The following RNF126 variants were observed in gnomAD, a reference collection of about 807,000 sequenced individuals.
The protein encoded by RNF126 is E3 ubiquitin-protein ligase RNF126.
A neutral mutation model predicts 41.9 loss-of-function variants in RNF126; 20 were observed. The observed-to-expected ratio is 0.48, with a 90% CI of 0.34 to 0.69. The LOEUF (loss-of-function observed/expected upper bound fraction) is 0.69. RNF126 is among the 30% of genes least tolerant of loss of function. The pLI is 0.01. For synonymous variants in RNF126, 239 were observed against 202.9 expected, an observed-to-expected ratio of 1.18 and a Z score of -1.51; for missense variants, 433 against 460.6, an observed-to-expected ratio of 0.94 and a Z score of 0.55.
chr19:647,975 G>C lies in RNF126; in HGVS notation c.*153C>G, dbSNP rs1230292099. On this transcript the variant is annotated 3_prime_UTR_variant, in exon 9 of 9. Transcript: ENST00000292363. ...CCTTCCCAAGCCAGGGGGCCGGTGG[G>C]CCGGGCCCGGGTCCTGCCCTGGAAC... is the stretch of plus-strand genomic sequence containing the variant. The C allele has an allele frequency of 2.2e-5, 21 of 968,734 alleles. No individual in the cohort carries two copies. In the South Asian group the frequency reaches 3.1e-4, roughly 14 times the overall value. 60.0% of individuals were successfully genotyped at this position (968,734 alleles called of 1,614,324 possible). A position where few individuals can be genotyped will look rare whatever the true frequency, so the allele number is the denominator to read the frequency against.
chr19:648,978 G>A lies in RNF126; in HGVS notation c.577-3C>T. The A allele has an allele frequency of 7.2e-7, 1 of 1,386,008 alleles. No individual in the cohort carries two copies. Among genetic ancestry groups the A allele is most frequent in the Non-Finnish European group, 9.4e-7 (1 of 1,065,682 alleles). The allele number at this position is 1,386,008 out of a possible 1,614,324, so 85.9% of individuals were successfully genotyped here. ...GTGTTTTCAAACTGATTGAGGAGCT[G>A]AAAGACAAGAGGCGAGAGTGCCGGG... On this transcript the variant is annotated splice_region_variant and splice_polypyrimidine_tract_variant and intron_variant, in intron 6 of 8. Transcript: ENST00000292363.
In RNF126 at chr19:651,587, C is replaced by T. The variant is rs117074311; in HGVS notation, c.443+24G>A. The T allele has an allele frequency of 0.014, 19,065 of 1,393,598 alleles. 1,291 individuals are homozygous for T. The East Asian group carries it at 0.21, about 16-fold the overall frequency. The allele number at this position is 1,393,598 out of a possible 1,614,324, so 86.3% of individuals were successfully genotyped here. A position where few individuals can be genotyped will look rare whatever the true frequency, so the allele number is the denominator to read the frequency against. On this transcript the variant is annotated intron_variant, in intron 4 of 8. Coordinates refer to ENST00000292363, the MANE Select transcript of RNF126 (RefSeq NM_194460.3). Reference sequence around the variant, plus strand: ...CCGACCTCAAGGCGTGGGGCCCTCGCGGCCACCCCCGGGGCCCCCTCACCC... The same window carrying T: ...CCGACCTCAAGGCGTGGGGCCCTCGTGGCCACCCCCGGGGCCCCCTCACCC...
chr19:649,600 C>A, intron 6 of RNF126, 79 bp downstream of exon 6: 1 of 1,193,046 alleles, frequency 8.4e-7, no homozygotes, highest in South Asian at 1.3e-5. Context: ...CTTCGTGGGT[C>A]CAGGCAGTGG....
At chr19:652,049 T>G in intron 3 of RNF126, 184 bp downstream of exon 3, 1 of 706,652 alleles carries the variant, frequency 1.4e-6, no homozygotes, top group Non-Finnish European at 2.2e-6. Flanking sequence ...GAAGTTTCGC[T>G]TTCATCCAAG....
At chr19:653,033 G>A (rs2030398081) in intron 1 of RNF126, 149 bp from the exon 2 acceptor site, 2 of 721,764 alleles carry the variant, frequency 2.8e-6, no homozygotes, top group South Asian at 1.7e-5. Flanking sequence ...CGTGGGTCCT[G>A]GAGGGCGGCC....
chr19:651,600 G>C lies in RNF126; in HGVS notation c.443+11C>G. 1 of 1,408,910 alleles carries C rather than the reference G, an allele frequency of 7.1e-7. No homozygotes were observed. Among genetic ancestry groups the C allele is most frequent in the Non-Finnish European group, 9.2e-7 (1 of 1,086,208 alleles). 87.3% of individuals were successfully genotyped at this position (1,408,910 alleles called of 1,614,324 possible). On this transcript the variant is annotated intron_variant, in intron 4 of 8. Transcript: ENST00000292363. ...GTGGGGCCCTCGCGGCCACCCCCGG[G>C]GCCCCCTCACCCTTCCAGCGTGGGG...
chr19:660,948 C>G (rs989293405), intron 1 of RNF126, among the ~76,000 whole-genome samples: 1 of 152,256 alleles, frequency 6.6e-6, no homozygotes, highest in South Asian at 2.1e-4. Flanking sequence ...CACGGGCAGG[C>G]CCCCGCAGCC....
In RNF126 at chr19:659,476, G is replaced by A. The variant is rs889504233; in HGVS notation, c.75+3571C>T. On this transcript the variant is annotated intron_variant, in intron 1 of 8. Transcript: ENST00000292363. The surrounding 1 kb of genome is among the most constrained non-coding windows in gnomAD (Gnocchi z 4.9). ...GGGTGGGGGGTCGGCAGGCAGAGCT[G>A]GAACCACCCTAGGAACCACCCAGAG... Among the ~76,000 whole-genome samples, 31 of 152,256 alleles carry A rather than the reference G, an allele frequency of 2.0e-4. No homozygotes were observed. Among genetic ancestry groups the A allele is most frequent in the African/African-American group, 7.2e-4 (30 of 41,562 alleles).
chr19:662,456 C>A (rs1389867342), intron 1 of RNF126, among the ~76,000 whole-genome samples: 1 of 152,148 alleles, frequency 6.6e-6, no homozygotes, highest in Non-Finnish European at 1.5e-5. Flanking sequence ...GCCGGCGGGC[C>A]GCGGTCGGAC....
intron 5 of RNF126, among the ~76,000 whole-genome samples, 184 bp downstream of exon 5, chr19:650,050 C>G (rs1162767839): frequency 6.8e-6 from 1 of 147,466 alleles, no homozygotes; most frequent in South Asian, 2.2e-4. Flanking sequence ...ACCCACTCAC[C>G]AGGGGCCCAG....
chr19:649,685 G>T lies in RNF126; in HGVS notation c.570C>A (p.Ile190=). The T allele has an allele frequency of 6.4e-7, 1 of 1,565,066 alleles. No homozygotes were observed. Among genetic ancestry groups the T allele is most frequent in the Admixed American group, 1.8e-5 (1 of 54,146 alleles). ...AWGANGLDAI[I]TQLLNQFENT... ...GGCCGTGGCCACGCTGTACCTGTGT[G>T]ATGATGGCATCCAGGCCGTTGGCCC... Residue 190 remains isoleucine (I), a synonymous_variant, in exon 6 of 9, where the codon ATC becomes ATA. Transcript: ENST00000292363.
chr19:660,806 T>C (rs553988337), intron 1 of RNF126, among the ~76,000 whole-genome samples: 1 of 152,240 alleles, frequency 6.6e-6, no homozygotes, highest in Admixed American at 6.5e-5. Context: ...ACTAATTGTT[T>C]TAGTCTTCTG....
At chr19:653,024 G>C in intron 1 of RNF126, 140 bp from the exon 2 acceptor site, 2 of 786,316 alleles carry the variant, frequency 2.5e-6, no homozygotes, top group South Asian at 3.2e-5. Context: ...CTCCCAACCC[G>C]TGGGTCCTGG....
At chr19:656,778 T>TG in intron 1 of RNF126, among the ~76,000 whole-genome samples, 2 of 152,154 alleles carry the variant, frequency 1.3e-5, no homozygotes, top group Non-Finnish European at 2.9e-5. Context: ...CGTCGGTTCT[T>TG]GGGGTGTGTT....
At chr19:650,584 CT>C (rs34495183) in intron 4 of RNF126, 1,529 of 72,230 alleles carry the variant, frequency 0.021, 16 homozygotes, top group African/African-American at 0.071. Flanking sequence ...CTCTCGGCTA[CT>C]TTTTTTTTTT....
chr19:654,642 CAAAAAAAAAAAAAAAAAAAAAAAAAA>C (rs56141012), intron 1 of RNF126, among the ~76,000 whole-genome samples: 1 of 24,610 alleles, frequency 4.1e-5, no homozygotes, highest in Non-Finnish European at 7.4e-5. Context: ...GACTCCGTCT[CAAAAAAAAAAAAAAAAAAAAAAAAAA>C]AAAAAAAAAA....
At chr19:662,175 G>A (rs1472614627) in intron 1 of RNF126, among the ~76,000 whole-genome samples, 3 of 152,132 alleles carry the variant, frequency 2.0e-5, no homozygotes, top group African/African-American at 4.8e-5. Flanking sequence ...TAGAAATGCA[G>A]ACTGCTGAGC....
chr19:653,330 A>C (rs1274880554), intron 1 of RNF126, among the ~76,000 whole-genome samples: 1 of 152,158 alleles, frequency 6.6e-6, no homozygotes, highest in African/African-American at 2.4e-5. Context: ...GGCCACGTCC[A>C]CGCTGGCCAC....
chr19:658,441 A>C (rs901025005), intron 1 of RNF126, among the ~76,000 whole-genome samples: 1 of 152,046 alleles, frequency 6.6e-6, no homozygotes, highest in African/African-American at 2.4e-5. Context: ...TGTGCACATC[A>C]GGAGACCCCA....
Sources: gnomAD v4.1 joint callset for allele counts (sites outside exome capture counted in the v4.1 genomes callset) on GRCh38, gnomAD v4.1.1 for gene constraint, Gnocchi (gnomAD v3.1) non-coding constraint, MANE v1.5 for transcripts, NCBI Gene and HGNC (gene_info 2026-07-23, HGNC 2026-07-21) for gene names.